The following XPR1 variants were observed in gnomAD, a reference collection of about 807,000 sequenced individuals.
XPR1 encodes the protein xenotropic and polytropic retrovirus receptor 1.
Under a neutral mutation model 87.5 loss-of-function variants are expected in XPR1, and 28 were observed. The ratio of observed to expected loss-of-function variants is 0.32; its 90% CI spans 0.24 to 0.44. The LOEUF is 0.44. Among genes scored for constraint, XPR1 ranks in the 20% least tolerant of loss-of-function variants. The probability of loss-of-function intolerance (pLI) is 1.00; values close to 1 mark genes in which losing one functional copy is unlikely to be tolerated. For synonymous variants in XPR1, 300 were observed against 306.1 expected (o/e 0.98, Z 0.21); for missense variants, 559 against 862.3 (o/e 0.65, Z 4.41).
chr1:180,676,490 A>G (rs933004835), intron 1 of XPR1, among the ~76,000 whole-genome samples: 19 of 152,096 alleles, frequency 1.2e-4, no homozygotes, highest in African/African-American at 4.3e-4. Flanking sequence ...TTTAACTTCT[A>G]GAGATTTACT....
chr1:180,816,330 C>T (rs752664611), intron 7 of XPR1, among the ~76,000 whole-genome samples: 14 of 152,148 alleles, frequency 9.2e-5, no homozygotes, highest in Non-Finnish European at 1.9e-4. Flanking sequence ...AATCTAATGC[C>T]GTTGATCTGA....
At chr1:180,832,312 G>A (rs763888915) in intron 9 of XPR1, among the ~76,000 whole-genome samples, 4 of 152,032 alleles carry the variant, frequency 2.6e-5, no homozygotes, top group Admixed American at 6.5e-5. Flanking sequence ...TGGATAGATT[G>A]CAAAAGTTTT....
intron 10 of XPR1, among the ~76,000 whole-genome samples, 184 bp downstream of exon 10, chr1:180,835,229 T>TTA (rs1342049189): frequency 1.3e-5 from 2 of 152,372 alleles, no homozygotes; most frequent in Admixed American, 6.5e-5. Context: ...TTTTAAATTA[T>TTA]GCATTAGGAT....
chr1:180,873,734 T>A, intron 12 of XPR1, 69 bp from the exon 13 acceptor site: 1 of 1,550,334 alleles, frequency 6.5e-7, no homozygotes, highest in Non-Finnish European at 8.8e-7. Flanking sequence ...GTAGGACATA[T>A]GCTCATTGGT....
chr1:180,859,128 C>G (rs1408578055), intron 11 of XPR1, among the ~76,000 whole-genome samples: 1 of 152,288 alleles, frequency 6.6e-6, no homozygotes, highest in Non-Finnish European at 1.5e-5. Flanking sequence ...AAACATGATT[C>G]AAGTTGATTT....
At chr1:180,822,354 G>A (rs1650666095) in intron 7 of XPR1, among the ~76,000 whole-genome samples, 1 of 152,136 alleles carries the variant, frequency 6.6e-6, no homozygotes, top group East Asian at 1.9e-4. Context: ...ACATCCCAAT[G>A]CTTTGTTCTC....
intron 2 of XPR1, among the ~76,000 whole-genome samples, chr1:180,764,382 A>G (rs897058387): frequency 6.6e-5 from 10 of 151,980 alleles, no homozygotes; most frequent in African/African-American, 2.4e-4. Flanking sequence ...AACCTGAAAC[A>G]CTTCTAGTCC....
intron 12 of XPR1, among the ~76,000 whole-genome samples, chr1:180,868,527 C>T (rs1652456389): frequency 1.3e-5 from 1 of 75,546 alleles, no homozygotes; most frequent in Non-Finnish European, 2.6e-5. Context: ...AGATGTCCTT[C>T]ACATCCCTTG....
chr1:180,810,860 T>C (rs773302622), intron 6 of XPR1, among the ~76,000 whole-genome samples: 6 of 151,930 alleles, frequency 3.9e-5, no homozygotes, highest in Non-Finnish European at 8.8e-5. Context: ...CCTTAGTATC[T>C]GTTGGAGATT....
chr1:180,670,614 T>A (rs1046100099), intron 1 of XPR1, among the ~76,000 whole-genome samples: 1 of 152,228 alleles, frequency 6.6e-6, no homozygotes, highest in Non-Finnish European at 1.5e-5. Flanking sequence ...TCTTAAATCA[T>A]GTAGAAAATA....
intron 1 of XPR1, among the ~76,000 whole-genome samples, chr1:180,668,256 G>A (rs1166855371): frequency 2.0e-5 from 3 of 150,622 alleles, no homozygotes; most frequent in Non-Finnish European, 4.4e-5. Context: ...AGCCTCCCAA[G>A]TAGTTGGGAT....
intron 1 of XPR1, among the ~76,000 whole-genome samples, chr1:180,634,859 T>C (rs61213326): frequency 0.043 from 6,503 of 151,844 alleles, 496 homozygotes; most frequent in African/African-American, 0.15. Context: ...ATGTATATAT[T>C]GTAGCACAGT....
chr1:180,642,244 C>T (rs146964015), intron 1 of XPR1, among the ~76,000 whole-genome samples: 2 of 152,184 alleles, frequency 1.3e-5, no homozygotes, highest in East Asian at 1.9e-4. Flanking sequence ...GAATTGGCCT[C>T]GTTCCTCTGT....
chr1:180,887,907 G>T lies in XPR1; in HGVS notation c.*3841G>T, dbSNP rs191986247. Reference sequence around the variant, plus strand: ...TCCATTTCTGGATAGGTGAACTACGGCAAGGTAAGAACAGAAAAAAGTAAA... The same window carrying T: ...TCCATTTCTGGATAGGTGAACTACGTCAAGGTAAGAACAGAAAAAAGTAAA... On this transcript the variant is annotated 3_prime_UTR_variant, in exon 15 of 15. Coordinates refer to ENST00000367590, the MANE Select transcript of XPR1 (RefSeq NM_004736.4). 2.6e-5 allele frequency: 4 copies of T among 152,336 alleles called. No homozygotes were observed. In the East Asian group the frequency reaches 5.8e-4, roughly 22 times the overall value. 9.4% of individuals were successfully genotyped at this position (152,336 alleles called of 1,614,324 possible).
intron 2 of XPR1, among the ~76,000 whole-genome samples, chr1:180,733,810 A>G (rs1434822597): frequency 3.3e-5 from 5 of 152,250 alleles, no homozygotes; most frequent in Non-Finnish European, 7.3e-5. Context: ...AGTTAAGGCA[A>G]CTGAATTAAG....
chr1:180,818,579 C>T (rs529138281), intron 7 of XPR1, among the ~76,000 whole-genome samples: 1 of 152,076 alleles, frequency 6.6e-6, no homozygotes, highest in Non-Finnish European at 1.5e-5. Context: ...AAAATAAATG[C>T]TTAATGATTG....
chr1:180,799,228 T>A (rs1358792577), intron 3 of XPR1, among the ~76,000 whole-genome samples: 1 of 152,196 alleles, frequency 6.6e-6, no homozygotes, highest in East Asian at 1.9e-4. Flanking sequence ...AGTTGTAGAT[T>A]GGGAAGCAAA....
intron 2 of XPR1, among the ~76,000 whole-genome samples, chr1:180,686,692 G>A (rs191762828): frequency 4.6e-5 from 7 of 152,232 alleles, no homozygotes; most frequent in African/African-American, 1.7e-4. Context: ...TAAGTTGGAT[G>A]TACAGAATAA....
At chr1:180,811,572 C>A in intron 7 of XPR1, 84 bp downstream of exon 7, 3 of 1,058,318 alleles carry the variant, frequency 2.8e-6, no homozygotes, top group South Asian at 1.7e-5. Flanking sequence ...ATTATGCATG[C>A]AACTACCAAA....
Sources: allele counts gnomAD v4.1 joint callset (sites outside exome capture counted in the v4.1 genomes callset), GRCh38; gene constraint gnomAD v4.1.1; transcripts MANE v1.5; gene names NCBI Gene and HGNC (gene_info 2026-07-23, HGNC 2026-07-21).